The following KCND3 variants were observed in gnomAD, a reference collection of about 807,000 sequenced individuals.
KCND3 encodes the protein potassium voltage-gated channel subfamily D member 3.
KCND3 carries 9 observed loss-of-function variants against 51.1 expected under a neutral mutation model. The observed-to-expected ratio is 0.18, with a 90% CI of 0.11 to 0.31. KCND3 has a LOEUF of 0.31. Ranked by LOEUF, KCND3 falls within the 10% of genes least tolerant of loss-of-function variation. The probability of loss-of-function intolerance (pLI) is 1.00; values close to 1 mark genes in which losing one functional copy is unlikely to be tolerated. For synonymous variants in KCND3, 349 were observed against 368.0 expected (o/e 0.95, Z 0.59); for missense variants, 526 against 903.8 (o/e 0.58, Z 5.36).
chr1:111,985,067 C>A (rs368589340), intron 1 of KCND3, among the ~76,000 whole-genome samples: 2 of 152,320 alleles, frequency 1.3e-5, no homozygotes, highest in South Asian at 2.1e-4. Flanking sequence ...TCTCATTTAA[C>A]CCTCACAGCA....
intron 2 of KCND3, among the ~76,000 whole-genome samples, chr1:111,919,645 A>G (rs1185705067): frequency 2.0e-5 from 3 of 152,192 alleles, no homozygotes; most frequent in African/African-American, 4.8e-5. Flanking sequence ...GTGGTCCCCA[A>G]TTCAGATTGA....
intron 2 of KCND3, among the ~76,000 whole-genome samples, chr1:111,811,111 G>A (rs1289500788): frequency 1.3e-5 from 2 of 152,196 alleles, no homozygotes; most frequent in African/African-American, 4.8e-5. Context: ...GGGGAGAGGG[G>A]TCTGAACAGT....
At chr1:111,933,585 G>C (rs12144428) in intron 2 of KCND3, among the ~76,000 whole-genome samples, 29,722 of 152,068 alleles carry the variant, frequency 0.2, 3,216 homozygotes, top group East Asian at 0.46. Context: ...CTCTAAAGGG[G>C]CTCTAAATGG....
At position 111,853,558 on chromosome 1, in the gene KCND3, C is replaced by T. The variant is rs564479116; in HGVS notation, c.1107-66452G>A. Reference sequence around the variant, plus strand: ...CTAATTTGAATCACAAAGCCCACCCCGGCACTCCATAGCCTCATTCTTTGC... The same window carrying T: ...CTAATTTGAATCACAAAGCCCACCCTGGCACTCCATAGCCTCATTCTTTGC... On this transcript the variant is annotated intron_variant, in intron 2 of 7. Coordinates refer to ENST00000302127, the MANE Select transcript of KCND3 (RefSeq NM_001378969.1). 3.9e-5 allele frequency among the ~76,000 whole-genome samples: 6 copies of T among 152,300 alleles called. No homozygotes were observed. The South Asian group carries it at 8.3e-4, about 21-fold the overall frequency.
intron 2 of KCND3, among the ~76,000 whole-genome samples, chr1:111,812,114 A>AC (rs2101575821): frequency 6.6e-6 from 1 of 152,260 alleles, no homozygotes; most frequent in African/African-American, 2.4e-5. Context: ...GGTGTCGGGC[A>AC]CGGTGCCTGG....
chr1:111,782,379 C>T (rs1376758516), intron 3 of KCND3, among the ~76,000 whole-genome samples: 1 of 152,000 alleles, frequency 6.6e-6, no homozygotes, highest in African/African-American at 2.4e-5. Flanking sequence ...AAGACTGCTC[C>T]TCTTGATGAA....
chr1:111,822,156 T>C (rs1159889938), intron 2 of KCND3, among the ~76,000 whole-genome samples: 1 of 152,182 alleles, frequency 6.6e-6, no homozygotes, highest in East Asian at 1.9e-4. Flanking sequence ...CATTTTAATA[T>C]CTCTAAAATT....
chr1:111,929,168 C>T (rs548538976), intron 2 of KCND3, among the ~76,000 whole-genome samples: 2 of 152,352 alleles, frequency 1.3e-5, no homozygotes, highest in South Asian at 2.1e-4. Context: ...AACCAGCCCA[C>T]GCCCAGACCT....
chr1:111,828,436 C>T (rs192055275), intron 2 of KCND3, among the ~76,000 whole-genome samples: 1 of 152,278 alleles, frequency 6.6e-6, no homozygotes, highest in African/African-American at 2.4e-5. Context: ...AACTGCATCT[C>T]CCATTAGTCA....
intron 2 of KCND3, among the ~76,000 whole-genome samples, chr1:111,791,427 G>A (rs891948356): frequency 1.3e-5 from 2 of 152,210 alleles, no homozygotes; most frequent in Non-Finnish European, 2.9e-5. Context: ...CGGGATTGCA[G>A]TCGGGGAGGA....
intron 2 of KCND3, among the ~76,000 whole-genome samples, chr1:111,854,996 C>G (rs571391922): frequency 1.7e-4 from 26 of 152,192 alleles, no homozygotes; most frequent in African/African-American, 6.0e-4. Context: ...GAGTAAGGTA[C>G]CTGCCACTCT....
chr1:111,839,320 G>A (rs115980041), intron 2 of KCND3, among the ~76,000 whole-genome samples: 185 of 152,330 alleles, frequency 1.2e-3, no homozygotes, highest in Non-Finnish European at 2.1e-3. Flanking sequence ...AAAGATGGAA[G>A]CAAACAAGAA....
intron 2 of KCND3, among the ~76,000 whole-genome samples, chr1:111,903,867 C>A (rs1409863513): frequency 2.0e-5 from 3 of 152,184 alleles, no homozygotes; most frequent in African/African-American, 7.2e-5. Flanking sequence ...AGCTTAGGAG[C>A]CTTGGGAGGC....
chr1:111,880,955 T>C (rs1389893678), intron 2 of KCND3, among the ~76,000 whole-genome samples: 1 of 152,132 alleles, frequency 6.6e-6, no homozygotes, highest in Non-Finnish European at 1.5e-5. Context: ...GCCTTGGCCC[T>C]TGGCTCCCAC....
chr1:111,932,591 T>C (rs972580109), intron 2 of KCND3, among the ~76,000 whole-genome samples: 1 of 152,228 alleles, frequency 6.6e-6, no homozygotes, highest in African/African-American at 2.4e-5. Context: ...AGAATCTGAC[T>C]ACTCTAGATA....
chr1:111,818,749 C>T (rs1419985121), intron 2 of KCND3, among the ~76,000 whole-genome samples: 1 of 152,148 alleles, frequency 6.6e-6, no homozygotes, highest in African/African-American at 2.4e-5. Flanking sequence ...GTCAGAAGGG[C>T]CGCCCGGGCC....
At chr1:111,930,576 C>T (rs1671918440) in intron 2 of KCND3, among the ~76,000 whole-genome samples, 1 of 148,598 alleles carries the variant, frequency 6.7e-6, no homozygotes, top group Admixed American at 6.8e-5. Context: ...TTGCCTGCCT[C>T]TGGTCCTTGA....
chr1:111,862,515 G>T lies in KCND3; in HGVS notation c.1107-75409C>A, dbSNP rs528572983. On this transcript the variant is annotated intron_variant, in intron 2 of 7. Transcript: ENST00000302127. ...ATATGGTGAGTCTGTAAATTATATCGTCAAGTCTAAGAAAGCAAGGGATCT... is the reference window on the plus strand; with the variant it reads ...ATATGGTGAGTCTGTAAATTATATCTTCAAGTCTAAGAAAGCAAGGGATCT... Among the ~76,000 whole-genome samples the T allele has an allele frequency of 6.0e-4, 91 of 152,320 alleles. 1 individual carries two copies. The highest frequency in any genetic ancestry group is 1.2e-3 in the East Asian group (6 of 5,178).
At chr1:111,911,285 G>A (rs188580314) in intron 2 of KCND3, among the ~76,000 whole-genome samples, 11 of 152,354 alleles carry the variant, frequency 7.2e-5, no homozygotes, top group Admixed American at 3.3e-4. Context: ...CAGTGTGGGA[G>A]CCAGACAGCA....
Sources: allele counts gnomAD v4.1 joint callset (sites outside exome capture counted in the v4.1 genomes callset), GRCh38; gene constraint gnomAD v4.1.1; transcripts MANE v1.5; gene names NCBI Gene and HGNC (gene_info 2026-07-23, HGNC 2026-07-21).